Variants in SULF2 observed in about 807,000 individuals in gnomAD.
SULF2 encodes the protein sulfatase 2.
A neutral mutation model predicts 107.7 loss-of-function variants in SULF2; 52 were observed. The ratio of observed to expected loss-of-function variants is 0.48; its 90% CI spans 0.39 to 0.61. SULF2 has a LOEUF of 0.61. Among genes scored for constraint, SULF2 ranks in the 20% least tolerant of loss-of-function variants. The pLI, the probability that SULF2 is intolerant of heterozygous loss-of-function variation, is 0.00. For missense variants in SULF2, 993 were observed against 1,177.3 expected (o/e 0.84, Z 2.29); for synonymous variants, 460 against 464.3 (o/e 0.99, Z 0.12).
intron 3 of SULF2, among the ~76,000 whole-genome samples, chr20:47,736,153 G>A (rs138988565): frequency 6.6e-6 from 1 of 152,104 alleles, no homozygotes; most frequent in African/African-American, 2.4e-5. Flanking sequence ...CCTCCTGAAG[G>A]ATAAGCAAAC....
intron 11 of SULF2, among the ~76,000 whole-genome samples, chr20:47,669,275 G>A (rs1249094006): frequency 2.0e-5 from 3 of 152,150 alleles, no homozygotes. Context: ...TGAGCTGGCT[G>A]GCTCTGCCTA....
At chr20:47,663,354 T>C (rs2087150592) in intron 16 of SULF2, 99 bp downstream of exon 16, 1 of 1,578,778 alleles carries the variant, frequency 6.3e-7, no homozygotes. Flanking sequence ...CCCCTGGTGT[T>C]GGGGACCCCC....
chr20:47,686,479 G>A (rs1202674013), intron 5 of SULF2, among the ~76,000 whole-genome samples: 2 of 152,212 alleles, frequency 1.3e-5, no homozygotes, highest in African/African-American at 4.8e-5. Flanking sequence ...GATGGTTCTT[G>A]AAGGCCAGGT....
chr20:47,773,918 G>T (rs2090677691), intron 1 of SULF2, among the ~76,000 whole-genome samples: 1 of 152,174 alleles, frequency 6.6e-6, no homozygotes, highest in Non-Finnish European at 1.5e-5. Context: ...AATATAAAAG[G>T]AATAAAAGGT....
chr20:47,728,450 G>C (rs2089506445), intron 3 of SULF2, among the ~76,000 whole-genome samples: 2 of 152,108 alleles, frequency 1.3e-5, no homozygotes, highest in African/African-American at 4.8e-5. Context: ...TGGGGGTGGA[G>C]AGGAGAGAAA....
In SULF2 at chr20:47,718,045, C is replaced by G. The variant is rs1472765833; in HGVS notation, c.416-15375G>C. Reference sequence around the variant, plus strand: ...TGTTGGTTAGGATGGTCTTGATCTCCTGACCTCGTGATCCACCTGCCTCGG... The same window carrying G: ...TGTTGGTTAGGATGGTCTTGATCTCGTGACCTCGTGATCCACCTGCCTCGG... On this transcript the variant is annotated intron_variant, in intron 3 of 20. Coordinates refer to ENST00000688720, the MANE Select transcript of SULF2 (RefSeq NM_001387048.1). Among the ~76,000 whole-genome samples, 3 of 152,080 alleles carry G rather than the reference C, an allele frequency of 2.0e-5. No homozygotes were observed. In the South Asian group the frequency reaches 6.2e-4, roughly 32 times the overall value.
chr20:47,670,329 A>G (rs2146433842), intron 11 of SULF2, among the ~76,000 whole-genome samples: 1 of 151,996 alleles, frequency 6.6e-6, no homozygotes, highest in South Asian at 2.1e-4. Context: ...AGTAGCAGGG[A>G]CTACAGGCGC....
At chr20:47,747,060 C>T (rs1001329353) in intron 2 of SULF2, among the ~76,000 whole-genome samples, 1 of 143,788 alleles carries the variant, frequency 7.0e-6, no homozygotes, top group Non-Finnish European at 1.5e-5. Flanking sequence ...TATTTTTCAC[C>T]TAGTATAGAT....
At chr20:47,727,348 T>C (rs6094795) in intron 3 of SULF2, among the ~76,000 whole-genome samples, 4,171 of 152,136 alleles carry the variant, frequency 0.027, 201 homozygotes, top group African/African-American at 0.096. Flanking sequence ...TGGAGTGATG[T>C]GGCCACAAGC....
chr20:47,752,498 T>TG (rs993686279), intron 2 of SULF2, among the ~76,000 whole-genome samples: 10 of 145,756 alleles, frequency 6.9e-5, no homozygotes, highest in African/African-American at 2.6e-4. Flanking sequence ...GGGAGGCCAA[T>TG]GGGGGGCGGA....
At chr20:47,764,396 T>C (rs1276390359) in intron 1 of SULF2, among the ~76,000 whole-genome samples, 5 of 149,480 alleles carry the variant, frequency 3.3e-5, no homozygotes, top group African/African-American at 1.3e-4. Context: ...TCCTGTCTCC[T>C]GGTAACAGCC....
Position 47,678,506 on chromosome 20 carries a change from A to AGGGGACCAGGCTTCTCTCCCAC in SULF2, c.1193+169_1193+170insGTGGGAGAGAAGCCTGGTCCCC. The AGGGGACCAGGCTTCTCTCCCAC allele has an allele frequency of 1.3e-6, 1 of 768,564 alleles. No individual in the cohort carries two copies. The highest frequency in any genetic ancestry group is 2.1e-6 in the Non-Finnish European group (1 of 477,144). The allele number at this position is 768,564 out of a possible 1,614,324, so 47.6% of individuals were successfully genotyped here. ...CAGATGGGAAGACAGAATCTCGGAG[A>AGGGGACCAGGCTTCTCTCCCAC]GGGGACCATGCTTCTCTCCCACAGC... On this transcript the variant is annotated intron_variant, in intron 8 of 20. Coordinates refer to ENST00000688720, the MANE Select transcript of SULF2 (RefSeq NM_001387048.1). This position sits in a 1 kb window ranked among gnomAD's most constrained non-coding sequence, Gnocchi z 4.5.
At position 47,725,651 on chromosome 20, in the gene SULF2, G is replaced by A. The variant is rs549967503; in HGVS notation, c.415+11052C>T. On this transcript the variant is annotated intron_variant, in intron 3 of 20. Coordinates refer to ENST00000688720, the MANE Select transcript of SULF2 (RefSeq NM_001387048.1). ...AGGTGTGTTTGCTGTGGGCCTGCCC[G>A]GTGTTTTCAGTTGCTCATTCTTAAA... 2.4e-4 allele frequency among the ~76,000 whole-genome samples: 36 copies of A among 152,260 alleles called. 1 individual carries two copies. The highest frequency in any genetic ancestry group is 1.2e-3 in the South Asian group (6 of 4,820).
chr20:47,736,872 G>A lies in SULF2; in HGVS notation c.246C>T (p.Phe82=), dbSNP rs368302336. The change falls in exon 3 of 21, where the codon TTC becomes TTT. Residue 82 remains phenylalanine, a synonymous_variant. Transcript: ENST00000688720. ...EQGGAHFINA[F]VTTPMCCPSR... ...AGGGGCAGCACATGGGTGTGGTCACGAAGGCGTTGATGAAGTGCGCCCCGC... is the reference window on the plus strand; with the variant it reads ...AGGGGCAGCACATGGGTGTGGTCACAAAGGCGTTGATGAAGTGCGCCCCGC... The A allele has an allele frequency of 3.7e-6, 6 of 1,614,258 alleles. No homozygotes were observed. The highest frequency in any genetic ancestry group is 2.2e-5 in the East Asian group (1 of 44,888).
chr20:47,716,383 T>C (rs2089122325), intron 3 of SULF2, among the ~76,000 whole-genome samples: 1 of 152,188 alleles, frequency 6.6e-6, no homozygotes, highest in Admixed American at 6.5e-5. Flanking sequence ...CGGGCGCCTG[T>C]AATCCCAGCT....
At chr20:47,665,315 A>C (rs1169041962) in intron 13 of SULF2, 22 bp from the exon 14 acceptor site, 7 of 1,490,516 alleles carry the variant, frequency 4.7e-6, no homozygotes, top group South Asian at 3.4e-5. Flanking sequence ...GCAGAAGAGG[A>C]GGCCTTGAAA....
At chr20:47,740,924 CG>C (rs2089864105) in intron 2 of SULF2, among the ~76,000 whole-genome samples, 1 of 152,104 alleles carries the variant, frequency 6.6e-6, no homozygotes, top group African/African-American at 2.4e-5. Context: ...CCCTTTCCTC[CG>C]GGTACTTGGG....
intron 1 of SULF2, among the ~76,000 whole-genome samples, chr20:47,759,371 C>G (rs900011096): frequency 6.6e-6 from 1 of 152,206 alleles, no homozygotes; most frequent in South Asian, 2.1e-4. Context: ...CTCTTTGCCC[C>G]AGGGTCTTTG....
intron 4 of SULF2, among the ~76,000 whole-genome samples, chr20:47,691,829 T>C (rs999017000): frequency 1.3e-5 from 2 of 152,278 alleles, no homozygotes; most frequent in African/African-American, 2.4e-5. Flanking sequence ...GAAAAGTAAA[T>C]GGCCAGAACT....
Sources: gnomAD v4.1 joint callset for allele counts (sites outside exome capture counted in the v4.1 genomes callset) on GRCh38, gnomAD v4.1.1 for gene constraint, Gnocchi (gnomAD v3.1) non-coding constraint, MANE v1.5 for transcripts, NCBI Gene and HGNC (gene_info 2026-07-23, HGNC 2026-07-21) for gene names.